The following MAP4K3 variants were observed in gnomAD, a reference collection of about 807,000 sequenced individuals.
The protein encoded by MAP4K3 is mitogen-activated protein kinase kinase kinase kinase 3.
Under a neutral mutation model 143.5 loss-of-function variants are expected in MAP4K3, and 94 were observed. That is an observed-to-expected ratio of 0.65 (90% CI 0.55 to 0.78). MAP4K3 has a LOEUF of 0.78. MAP4K3 is among the 30% of genes least tolerant of loss of function. The pLI, the probability that MAP4K3 is intolerant of heterozygous loss-of-function variation, is 0.00. For missense variants in MAP4K3, 1,077 were observed against 1,068.1 expected, an observed-to-expected ratio of 1.01 and a Z score of -0.12; for synonymous variants, 416 against 347.2, an observed-to-expected ratio of 1.20 and a Z score of -2.20.
chr2:39,385,211 T>C (rs1176062090), intron 1 of MAP4K3, among the ~76,000 whole-genome samples: 5 of 152,156 alleles, frequency 3.3e-5, no homozygotes, highest in Admixed American at 6.5e-5. Flanking sequence ...GGAGTGTGAC[T>C]AGGTCATATC....
chr2:39,431,318 T>A (rs1012180197), intron 1 of MAP4K3, among the ~76,000 whole-genome samples: 3 of 152,170 alleles, frequency 2.0e-5, no homozygotes, highest in African/African-American at 4.8e-5. Context: ...TGAGCATTTG[T>A]GATTAAATGC....
chr2:39,377,341 C>A (rs908509901), intron 2 of MAP4K3, among the ~76,000 whole-genome samples: 5 of 151,842 alleles, frequency 3.3e-5, no homozygotes, highest in Admixed American at 1.3e-4. Context: ...ATCAGAAAGG[C>A]ACTAACTGCT....
intron 2 of MAP4K3, among the ~76,000 whole-genome samples, chr2:39,365,173 G>A (rs1665885925): frequency 6.6e-6 from 1 of 152,100 alleles, no homozygotes; most frequent in African/African-American, 2.4e-5. Flanking sequence ...CTAGAGTCAG[G>A]CTGGAATTCT....
intron 26 of MAP4K3, among the ~76,000 whole-genome samples, chr2:39,271,485 T>C (rs970052120): frequency 2.6e-5 from 4 of 152,192 alleles, no homozygotes; most frequent in Admixed American, 6.5e-5. Flanking sequence ...AGAAAATCTT[T>C]CAGTCAATAA....
At chr2:39,401,730 G>A (rs186385121) in intron 1 of MAP4K3, among the ~76,000 whole-genome samples, 113 of 152,230 alleles carry the variant, frequency 7.4e-4, no homozygotes, top group Non-Finnish European at 1.3e-3. Context: ...GAGCAGGAGA[G>A]GTTGAGGCTA....
intron 1 of MAP4K3, among the ~76,000 whole-genome samples, chr2:39,431,985 C>G (rs978740276): frequency 6.6e-6 from 1 of 152,162 alleles, no homozygotes; most frequent in African/African-American, 2.4e-5. Context: ...TAGAGAGTCT[C>G]TCAGCCAGCA....
At chr2:39,350,556 TG>T (rs1262413600) in intron 3 of MAP4K3, among the ~76,000 whole-genome samples, 5 of 152,212 alleles carry the variant, frequency 3.3e-5, no homozygotes, top group African/African-American at 1.2e-4. Flanking sequence ...TATTCATAAA[TG>T]TATTTCGAGT....
At chr2:39,404,213 G>A (rs1667030235) in intron 1 of MAP4K3, among the ~76,000 whole-genome samples, 1 of 152,142 alleles carries the variant, frequency 6.6e-6, no homozygotes, top group South Asian at 2.1e-4. Flanking sequence ...GAGTAAAGGG[G>A]ACTTGGTCTT....
At chr2:39,406,012 A>G (rs1248479426) in intron 1 of MAP4K3, among the ~76,000 whole-genome samples, 1 of 152,140 alleles carries the variant, frequency 6.6e-6, no homozygotes, top group Non-Finnish European at 1.5e-5. Flanking sequence ...AGGAATTCAG[A>G]ATCCTATCAG....
At chr2:39,315,463 T>C (rs1683084615) in intron 12 of MAP4K3, 75 bp from the exon 13 acceptor site, 8 of 955,984 alleles carry the variant, frequency 8.4e-6, no homozygotes, top group South Asian at 6.5e-5. Flanking sequence ...ATTACCCAAA[T>C]AGGAAAAAAT....
intron 1 of MAP4K3, among the ~76,000 whole-genome samples, chr2:39,433,887 G>C (rs1189613237): frequency 6.6e-6 from 1 of 152,178 alleles, no homozygotes; most frequent in African/African-American, 2.4e-5. Context: ...TAAAATTTGA[G>C]TCATTTAGTC....
intron 19 of MAP4K3, among the ~76,000 whole-genome samples, chr2:39,289,370 T>G (rs1681935486): frequency 1.3e-5 from 2 of 152,130 alleles, no homozygotes; most frequent in African/African-American, 4.8e-5. Context: ...CTGATAAGAC[T>G]CCAACTCTCA....
intron 2 of MAP4K3, among the ~76,000 whole-genome samples, chr2:39,370,516 G>C (rs566488739): frequency 2.6e-5 from 4 of 152,046 alleles, no homozygotes; most frequent in Admixed American, 6.5e-5. Flanking sequence ...AATGTCAAAG[G>C]CTGGCAGGAG....
At chr2:39,339,396 T>C (rs1665076971) in intron 4 of MAP4K3, among the ~76,000 whole-genome samples, 1 of 152,206 alleles carries the variant, frequency 6.6e-6, no homozygotes, top group African/African-American at 2.4e-5. Context: ...AATTTTTTTT[T>C]CAGAAATAAC....
Position 39,249,813 on chromosome 2 carries a change from G to A in MAP4K3, c.*805C>T, listed in dbSNP as rs1680080844. On this transcript the variant is annotated 3_prime_UTR_variant, in exon 34 of 34. Coordinates refer to ENST00000263881, the MANE Select transcript of MAP4K3 (RefSeq NM_003618.4). ...TATTCTATCATGGTACCGCTATTCTGTGATTCAAAAATGTTCAAAGGTATT... is the reference window on the plus strand; with the variant it reads ...TATTCTATCATGGTACCGCTATTCTATGATTCAAAAATGTTCAAAGGTATT... 1.3e-5 allele frequency: 2 copies of A among 152,580 alleles called. No homozygotes were observed. Among genetic ancestry groups the A allele is most frequent in the Non-Finnish European group, 2.9e-5 (2 of 68,000 alleles). The allele number at this position is 152,580 out of a possible 1,614,324, so 9.5% of individuals were successfully genotyped here.
At chr2:39,280,441 G>T in intron 22 of MAP4K3, 85 bp from the exon 23 acceptor site, 1 of 688,562 alleles carries the variant, frequency 1.5e-6, no homozygotes, top group Non-Finnish European at 2.4e-6. Flanking sequence ...CTATTTTAAT[G>T]TGAGAGTCTA....
intron 2 of MAP4K3, among the ~76,000 whole-genome samples, chr2:39,375,459 T>C (rs564433427): frequency 6.6e-6 from 1 of 152,130 alleles, no homozygotes; most frequent in African/African-American, 2.4e-5. Flanking sequence ...ACAGGATAAA[T>C]GATCGAGTTA....
intron 28 of MAP4K3, among the ~76,000 whole-genome samples, chr2:39,261,325 A>ATG (rs1219723938): frequency 8.0e-4 from 42 of 52,296 alleles, no homozygotes; most frequent in South Asian, 3.2e-3. Context: ...TTTTAATTTT[A>ATG]TATGTTTAAA....
chr2:39,342,322 G>A (rs1461319556), intron 4 of MAP4K3, among the ~76,000 whole-genome samples: 2 of 151,870 alleles, frequency 1.3e-5, no homozygotes, highest in Admixed American at 1.3e-4. Flanking sequence ...TAGAGATGGG[G>A]TTTCACCATG....
Sources: gnomAD v4.1 joint callset for allele counts (sites outside exome capture counted in the v4.1 genomes callset) on GRCh38, gnomAD v4.1.1 for gene constraint, MANE v1.5 for transcripts, NCBI Gene and HGNC (gene_info 2026-07-23, HGNC 2026-07-21) for gene names.